Variants in ZCCHC7 observed in about 807,000 individuals in gnomAD.
The protein encoded by ZCCHC7 is zinc finger CCHC domain-containing protein 7.
Under a neutral mutation model 52.0 loss-of-function variants are expected in ZCCHC7, and 35 were observed. The ratio of observed to expected loss-of-function variants is 0.67; its 90% CI spans 0.51 to 0.89. The LOEUF is 0.89. Ranked by LOEUF, ZCCHC7 falls within the 40% of genes least tolerant of loss-of-function variation. The pLI, the probability that ZCCHC7 is intolerant of heterozygous loss-of-function variation, is 0.00. For missense variants in ZCCHC7, 574 were observed against 649.1 expected, an observed-to-expected ratio of 0.88 and a Z score of 1.26; for synonymous variants, 217 against 221.5, an observed-to-expected ratio of 0.98 and a Z score of 0.18.
At chr9:37,319,280 T>C (rs1829959027) in intron 5 of ZCCHC7, among the ~76,000 whole-genome samples, 2 of 152,210 alleles carry the variant, frequency 1.3e-5, no homozygotes, top group Non-Finnish European at 2.9e-5. Context: ...AAGTCTTCAG[T>C]TGGGTATGTG....
At chr9:37,147,488 G>A (rs1438649792) in intron 2 of ZCCHC7, 2 of 151,498 alleles carry the variant, frequency 1.3e-5, no homozygotes, top group Admixed American at 1.3e-4. Flanking sequence ...AATAAGAGTG[G>A]GGGGAAAAAA....
chr9:37,195,921 G>A (rs960543043), intron 2 of ZCCHC7, among the ~76,000 whole-genome samples: 24 of 152,138 alleles, frequency 1.6e-4, no homozygotes, highest in African/African-American at 5.3e-4. Flanking sequence ...AAGAGAGATT[G>A]TAAGTTTGTG....
At chr9:37,187,603 T>C (rs976158714) in intron 2 of ZCCHC7, among the ~76,000 whole-genome samples, 6 of 152,208 alleles carry the variant, frequency 3.9e-5, no homozygotes, top group African/African-American at 1.4e-4. Flanking sequence ...GATATTATTG[T>C]TTCTACTTCG....
At chr9:37,282,694 TC>T (rs1348566632) in intron 2 of ZCCHC7, among the ~76,000 whole-genome samples, 1 of 143,770 alleles carries the variant, frequency 7.0e-6, no homozygotes, top group African/African-American at 2.6e-5. Context: ...CAAAATGAGA[TC>T]CCATCTTTAC....
In ZCCHC7 at chr9:37,157,131, G is replaced by C. The variant is rs551199687; in HGVS notation, c.610+30189G>C. ...GGTAAAACTGCTGATGCCTCAGCAT[G>C]AATCAGTGCTGTGACACCAGTCTGT... On this transcript the variant is annotated intron_variant, in intron 2 of 8. Transcript: ENST00000336755. 3.3e-5 allele frequency among the ~76,000 whole-genome samples: 5 copies of C among 150,416 alleles called. No homozygotes were observed. The East Asian group carries it at 1.0e-3, about 30-fold the overall frequency.
At chr9:37,335,095 T>C (rs1339732068) in intron 6 of ZCCHC7, among the ~76,000 whole-genome samples, 1 of 152,190 alleles carries the variant, frequency 6.6e-6, no homozygotes. Flanking sequence ...TAGATATGTT[T>C]CTTTACATTG....
chr9:37,335,868 A>G (rs1357615616), intron 6 of ZCCHC7, among the ~76,000 whole-genome samples: 3 of 152,200 alleles, frequency 2.0e-5, no homozygotes, highest in Non-Finnish European at 2.9e-5. Flanking sequence ...TAAAAATGCA[A>G]TATCACTTTG....
intron 5 of ZCCHC7, among the ~76,000 whole-genome samples, chr9:37,315,023 G>T (rs1474592491): frequency 1.3e-5 from 2 of 151,348 alleles, no homozygotes; most frequent in South Asian, 4.2e-4. Context: ...TTCTTCAGTT[G>T]TCTACTAGTT....
At chr9:37,120,651 C>T (rs1046229181) in intron 1 of ZCCHC7, 28 bp downstream of exon 1, 4 of 392,678 alleles carry the variant, frequency 1.0e-5, no homozygotes, top group African/African-American at 2.1e-5. Flanking sequence ...GGACCCCCGC[C>T]GCCCGCGGCT....
At chr9:37,190,977 G>C (rs549319372) in intron 2 of ZCCHC7, among the ~76,000 whole-genome samples, 38 of 151,158 alleles carry the variant, frequency 2.5e-4, no homozygotes, top group African/African-American at 8.3e-4. Flanking sequence ...AGCCGAGATC[G>C]CGCCATTGCA....
chr9:37,277,959 T>G (rs1387683652), intron 2 of ZCCHC7, among the ~76,000 whole-genome samples: 1 of 152,058 alleles, frequency 6.6e-6, no homozygotes, highest in East Asian at 1.9e-4. Flanking sequence ...CAAGGGACAC[T>G]ATGGGATGAC....
intron 1 of ZCCHC7, among the ~76,000 whole-genome samples, chr9:37,121,349 A>G (rs1842306939): frequency 6.6e-6 from 1 of 152,210 alleles, no homozygotes; most frequent in South Asian, 2.1e-4. Context: ...TACGGGCTGC[A>G]TTAGTAGGGC....
intron 7 of ZCCHC7, among the ~76,000 whole-genome samples, chr9:37,350,102 G>A (rs1174432655): frequency 7.0e-6 from 1 of 142,702 alleles, no homozygotes; most frequent in Non-Finnish European, 1.5e-5. Context: ...TTAGATTTTT[G>A]TTGTGTTTTG....
chr9:37,120,740 C>G (rs1234990173), intron 1 of ZCCHC7, 117 bp downstream of exon 1: 1 of 352,180 alleles, frequency 2.8e-6, no homozygotes, highest in African/African-American at 2.1e-5. Flanking sequence ...TCGACGTCTC[C>G]CGTCCGCCCC....
chr9:37,219,228 A>G (rs1313244062), intron 2 of ZCCHC7, among the ~76,000 whole-genome samples: 3 of 152,188 alleles, frequency 2.0e-5, no homozygotes, highest in South Asian at 4.1e-4. Context: ...CCAATGCCCA[A>G]TTTTTTGTAA....
At chr9:37,305,832 GAT>G (rs3837244) in intron 5 of ZCCHC7, 118 bp downstream of exon 5, 24,558 of 706,848 alleles carry the variant, frequency 0.035, 255 homozygotes, top group East Asian at 0.11. Flanking sequence ...TACTCCGTGA[GAT>G]ATATATATAT....
chr9:37,152,750 T>G (rs993550851), intron 2 of ZCCHC7, among the ~76,000 whole-genome samples: 2 of 152,256 alleles, frequency 1.3e-5, no homozygotes, highest in Non-Finnish European at 2.9e-5. Flanking sequence ...CTTGATTACC[T>G]TGCTGAGGTC....
intron 5 of ZCCHC7, among the ~76,000 whole-genome samples, chr9:37,313,491 ATG>A (rs1346249615): frequency 6.6e-6 from 1 of 152,188 alleles, no homozygotes; most frequent in Non-Finnish European, 1.5e-5. Flanking sequence ...ATGGTTGCAA[ATG>A]TATGTGACCT....
chr9:37,196,934 G>A (rs1823319534), intron 2 of ZCCHC7, among the ~76,000 whole-genome samples: 1 of 152,014 alleles, frequency 6.6e-6, no homozygotes, highest in Admixed American at 6.5e-5. Flanking sequence ...GACAACATTA[G>A]GTACTGGGTA....
Sources: gnomAD v4.1 joint callset for allele counts (sites outside exome capture counted in the v4.1 genomes callset) on GRCh38, gnomAD v4.1.1 for gene constraint, MANE v1.5 for transcripts, NCBI Gene and HGNC (gene_info 2026-07-23, HGNC 2026-07-21) for gene names.